The following DNAJB1 variants were observed in gnomAD, a reference collection of about 807,000 sequenced individuals.
DNAJB1 encodes the protein dnaJ homolog subfamily B member 1.
DNAJB1 carries 14 observed loss-of-function variants against 24.0 expected under a neutral mutation model. The observed-to-expected ratio is 0.58, with a 90% confidence interval of 0.39 to 0.91. The LOEUF is 0.91. Among genes scored for constraint, DNAJB1 ranks in the 40% least tolerant of loss-of-function variants. The pLI, the probability that DNAJB1 is intolerant of heterozygous loss-of-function variation, is 0.00. For synonymous variants in DNAJB1, 262 were observed against 174.4 expected (o/e 1.50, Z -3.96); for missense variants, 517 against 458.1 (o/e 1.13, Z -1.17).
chr19:14,517,132 C>G (rs1328362983), intron 1 of DNAJB1, 86 bp from the exon 2 acceptor site: 2 of 1,424,336 alleles, frequency 1.4e-6, no homozygotes, highest in Non-Finnish European at 1.9e-6. Flanking sequence ...AGCTTGGAAG[C>G]CATGGGGGAG....
chr19:14,542,416 C>T (rs1268563929), intron 1 of DNAJB1, among the ~76,000 whole-genome samples: 2 of 121,676 alleles, frequency 1.6e-5, no homozygotes, highest in Non-Finnish European at 3.2e-5. Context: ...GTCTGGAGTG[C>T]AGTGGTGCAA....
At chr19:14,554,699 C>T (rs573651118), upstream of DNAJB1, among the ~76,000 whole-genome samples, 2 of 152,284 alleles carry the variant, frequency 1.3e-5, no homozygotes, top group East Asian at 3.9e-4. Flanking sequence ...CTGTACCTCT[C>T]ATCCCCACAC....
chr19:14,543,690 G>A (rs1176064763), intron 1 of DNAJB1, among the ~76,000 whole-genome samples: 10 of 146,564 alleles, frequency 6.8e-5, no homozygotes, highest in East Asian at 4.1e-4. Flanking sequence ...CTCCCGCCTC[G>A]GCCTCCCAAA....
chr19:14,538,821 A>G (rs2420529), intron 1 of DNAJB1, among the ~76,000 whole-genome samples: 53,342 of 151,662 alleles, frequency 0.35, 9,781 homozygotes, highest in Non-Finnish European at 0.42. Flanking sequence ...ATGAGCCACC[A>G]CGCCTGGCTG....
At chr19:14,557,404 G>GT (rs1173283108) in intron 1 of DNAJB1, among the ~76,000 whole-genome samples, 1 of 151,344 alleles carries the variant, frequency 6.6e-6, no homozygotes, top group Non-Finnish European at 1.5e-5. Flanking sequence ...GCCTCCCAAA[G>GT]TGCTGGGATT....
chr19:14,557,080 C>G (rs930065090), intron 1 of DNAJB1, among the ~76,000 whole-genome samples: 2 of 151,864 alleles, frequency 1.3e-5, no homozygotes, highest in African/African-American at 4.8e-5. Flanking sequence ...CCCTTGTGCA[C>G]CTGGCATGGC....
intron 1 of DNAJB1, among the ~76,000 whole-genome samples, chr19:14,558,464 C>T (rs1191721794): frequency 6.6e-6 from 1 of 152,182 alleles, no homozygotes; most frequent in Non-Finnish European, 1.5e-5. Context: ...TTGGCTCTGC[C>T]CTGACCTCGT....
intron 1 of DNAJB1, among the ~76,000 whole-genome samples, chr19:14,557,604 A>G (rs1339772492): frequency 6.6e-6 from 1 of 150,554 alleles, no homozygotes; most frequent in Non-Finnish European, 1.5e-5. Context: ...GGCATGCACC[A>G]CCACGCCTGG....
exon 1 of DNAJB1, chr19:14,529,271 T>C (rs2072516858): frequency 3.0e-6 from 1 of 333,698 alleles, no homozygotes; most frequent in Non-Finnish European, 5.9e-6. Flanking sequence ...GTCACTCAAC[T>C]TCTTACCCCG....
intron 1 of DNAJB1, among the ~76,000 whole-genome samples, chr19:14,545,547 A>T (rs934309730): frequency 6.7e-6 from 1 of 149,236 alleles, no homozygotes; most frequent in Non-Finnish European, 1.5e-5. Context: ...GCGCACTGTC[A>T]TATCCCGGCC....
Position 14,516,882 on chromosome 19 carries a change from C to G in DNAJB1, c.376G>C (p.Asp126His). 6.2e-7 allele frequency: 1 copy of G among 1,614,142 alleles called. No individual in the cohort carries two copies. The change falls in exon 2 of 3, where the codon GAC (aspartate) becomes CAC (histidine). Residue 126 changes from aspartate to histidine, a missense_variant. Asp to His is a moderately conservative substitution (Grantham distance 81, BLOSUM62 -1). Coordinates refer to ENST00000254322, the MANE Select transcript of DNAJB1 (RefSeq NM_006145.3). ...FGQRNGEEGM[D>H]IDDPFSGFPM... is the part of the protein sequence containing the mutation. ...AAGCCAGAGAATGGGTCATCAATGT[C>G]CATGCCTTCCTCCCCGTTCCGCTGC...
At chr19:14,518,052 C>A (rs2072306553) in intron 1 of DNAJB1, 87 bp downstream of exon 1, 3 of 1,330,332 alleles carry the variant, frequency 2.3e-6, no homozygotes, top group Non-Finnish European at 2.9e-6. Flanking sequence ...GGGCGTCCTT[C>A]CCGGGGGGCC....
At chr19:14,524,237 A>G (rs1254661838) in intron 2 of DNAJB1, among the ~76,000 whole-genome samples, 1 of 152,202 alleles carries the variant, frequency 6.6e-6, no homozygotes, top group Non-Finnish European at 1.5e-5. Flanking sequence ...TGTTGAAAAA[A>G]AGACCTTCAG....
chr19:14,522,423 T>C (rs756926328), upstream of DNAJB1, among the ~76,000 whole-genome samples: 8 of 143,834 alleles, frequency 5.6e-5, no homozygotes, highest in Non-Finnish European at 1.0e-4. Context: ...AGGCAGAGGT[T>C]GCAGTGAGCC....
At chr19:14,517,893 G>A (rs2072301934) in intron 1 of DNAJB1, 2 of 393,318 alleles carry the variant, frequency 5.1e-6, no homozygotes, top group Non-Finnish European at 8.9e-6. Context: ...GGCCGCGGGA[G>A]GAGGCGCCCG....
chr19:14,541,922 A>G (rs2073108850), intron 1 of DNAJB1, among the ~76,000 whole-genome samples: 1 of 151,588 alleles, frequency 6.6e-6, no homozygotes, highest in East Asian at 1.9e-4. Flanking sequence ...GGCTGGGATT[A>G]CCAGCTAACG....
At chr19:14,523,382 T>A (rs561923278), upstream of DNAJB1, among the ~76,000 whole-genome samples, 55 of 151,598 alleles carry the variant, frequency 3.6e-4, no homozygotes, top group Middle Eastern at 3.4e-3. Context: ...TGGTGTGATC[T>A]CAGCTCACTG....
At chr19:14,554,993 G>T (rs1449487980), upstream of DNAJB1, among the ~76,000 whole-genome samples, 1 of 151,754 alleles carries the variant, frequency 6.6e-6, no homozygotes, top group Non-Finnish European at 1.5e-5. Flanking sequence ...TAGCCTGGCT[G>T]GTCTTGATCT....
chr19:14,530,940 C>A (rs953368032), upstream of DNAJB1: 2 of 152,188 alleles, frequency 1.3e-5, no homozygotes, highest in African/African-American at 2.4e-5. Flanking sequence ...ACTCCCCATT[C>A]CTCTCCACCT....
Sources: gnomAD v4.1 joint callset for allele counts (sites outside exome capture counted in the v4.1 genomes callset) on GRCh38, gnomAD v4.1.1 for gene constraint, MANE v1.5 for transcripts, NCBI Gene and HGNC (gene_info 2026-07-23, HGNC 2026-07-21) for gene names.